The following UVRAG variants were observed in gnomAD, a reference collection of about 807,000 sequenced individuals.
UVRAG encodes UV radiation resistance-associated gene protein.
In UVRAG, 19 loss-of-function variants were observed where a neutral mutation model predicts 78.0. The ratio of observed to expected loss-of-function variants is 0.24; its 90% CI spans 0.17 to 0.36. The LOEUF (loss-of-function observed/expected upper bound fraction) is 0.36. Among genes scored for constraint, UVRAG ranks in the 10% least tolerant of loss-of-function variants. The pLI, the probability that UVRAG is intolerant of heterozygous loss-of-function variation, is 1.00. For synonymous variants in UVRAG, 323 were observed against 324.6 expected (o/e 1.00, Z 0.05); for missense variants, 740 against 853.8 (o/e 0.87, Z 1.66).
At chr11:76,043,754 A>G (rs1222868149) in intron 12 of UVRAG, among the ~76,000 whole-genome samples, 2 of 152,178 alleles carry the variant, frequency 1.3e-5, no homozygotes, top group South Asian at 2.1e-4. Flanking sequence ...ACCATGCTCA[A>G]CCCTCAAATT....
intron 14 of UVRAG, among the ~76,000 whole-genome samples, chr11:76,138,538 T>A (rs1952640281): frequency 6.6e-6 from 1 of 152,260 alleles, no homozygotes; most frequent in South Asian, 2.1e-4. Context: ...AAACACCCTG[T>A]TCCTCTTGTG....
At chr11:76,137,901 T>C (rs190217565) in intron 14 of UVRAG, among the ~76,000 whole-genome samples, 4 of 152,280 alleles carry the variant, frequency 2.6e-5, no homozygotes, top group Middle Eastern at 3.4e-3. Flanking sequence ...AGTGAGACTT[T>C]GTCTCTAAAA....
intron 5 of UVRAG, chr11:75,911,528 C>A: frequency 5.9e-6 from 1 of 169,244 alleles, no homozygotes; most frequent in South Asian, 1.7e-4. Context: ...CAAAGTGGGT[C>A]GAGGATCCGT....
chr11:75,939,670 GTGA>G (rs1384467250), intron 6 of UVRAG, among the ~76,000 whole-genome samples: 3 of 152,150 alleles, frequency 2.0e-5, no homozygotes, highest in African/African-American at 7.2e-5. Context: ...TTGCTTATCA[GTGA>G]TTAAAAGGCT....
At chr11:75,979,315 T>TG (rs929321532) in intron 7 of UVRAG, among the ~76,000 whole-genome samples, 1 of 152,310 alleles carries the variant, frequency 6.6e-6, no homozygotes, top group South Asian at 2.1e-4. Flanking sequence ...TTAGGCTACT[T>TG]GGGGGTCAGG....
At chr11:75,935,850 A>G (rs1318272203) in intron 6 of UVRAG, among the ~76,000 whole-genome samples, 2 of 152,170 alleles carry the variant, frequency 1.3e-5, no homozygotes, top group Admixed American at 6.5e-5. Context: ...TAACCTTAAC[A>G]TGTTACTGGC....
At chr11:75,951,276 C>T (rs1247909702) in intron 6 of UVRAG, among the ~76,000 whole-genome samples, 3 of 150,738 alleles carry the variant, frequency 2.0e-5, no homozygotes, top group South Asian at 2.1e-4. Context: ...TTTTTCTTTT[C>T]CTTATTAAAA....
intron 1 of UVRAG, among the ~76,000 whole-genome samples, chr11:75,816,260 A>G (rs569465924): frequency 6.6e-6 from 1 of 152,296 alleles, no homozygotes; most frequent in East Asian, 1.9e-4. Flanking sequence ...CGTTGTAGGA[A>G]GATAAGAAGG....
chr11:76,053,968 CAAAAAA>C (rs11390273), intron 12 of UVRAG, among the ~76,000 whole-genome samples: 1 of 123,636 alleles, frequency 8.1e-6, no homozygotes, highest in African/African-American at 3.1e-5. Flanking sequence ...GACTCCATCT[CAAAAAA>C]AAAAAAAAAA....
intron 4 of UVRAG, among the ~76,000 whole-genome samples, chr11:75,885,994 G>A (rs1947069222): frequency 1.3e-5 from 2 of 152,016 alleles, no homozygotes; most frequent in Admixed American, 1.3e-4. Context: ...CTGGTTTTTG[G>A]CTGATGAAGG....
intron 4 of UVRAG, among the ~76,000 whole-genome samples, chr11:75,887,142 TTTTC>T (rs1439650469): frequency 4.0e-5 from 6 of 150,114 alleles, no homozygotes; most frequent in African/African-American, 7.4e-5. Flanking sequence ...GCTAATTTCT[TTTTC>T]TTTCTTTCTT....
intron 3 of UVRAG, among the ~76,000 whole-genome samples, chr11:75,864,647 T>TA (rs1425737161): frequency 6.6e-6 from 1 of 152,276 alleles, no homozygotes; most frequent in Non-Finnish European, 1.5e-5. Flanking sequence ...TTGTTACCAT[T>TA]GTGCTTGGCA....
At chr11:76,037,576 G>C (rs1255261394) in intron 12 of UVRAG, among the ~76,000 whole-genome samples, 2 of 151,424 alleles carry the variant, frequency 1.3e-5, no homozygotes, top group Non-Finnish European at 2.9e-5. Flanking sequence ...AGCTGGGCGT[G>C]GTGGCATACC....
At position 76,037,539 on chromosome 11, in the gene UVRAG, CAAAAAAAAAAAA is replaced by C. The variant is rs61354759; in HGVS notation, c.1226+20572_1226+20583del. Among the ~76,000 whole-genome samples the C allele has an allele frequency of 3.7e-4, 18 of 48,522 alleles. No homozygotes were observed. In the East Asian group the frequency reaches 4.4e-3, roughly 12 times the overall value. The allele number at this position is 48,522 out of a possible 152,430, so 31.8% of individuals were successfully genotyped here. A position where few individuals can be genotyped will look rare whatever the true frequency, so the allele number is the denominator to read the frequency against. ...GCAACATTTCAAGACTTTGTCTTTA[CAAAAAAAAAAAA>C]AAAAAAAAAAAATCAGCTGGGCGTG... On this transcript the variant is annotated intron_variant, in intron 12 of 14. Coordinates refer to ENST00000356136, the MANE Select transcript of UVRAG (RefSeq NM_003369.4).
chr11:76,096,657 C>G (rs1178881932), intron 13 of UVRAG, among the ~76,000 whole-genome samples: 3 of 152,136 alleles, frequency 2.0e-5, no homozygotes, highest in Non-Finnish European at 2.9e-5. Context: ...ACCCGAATGC[C>G]TTTTAAGTTA....
At chr11:75,949,717 AC>A (rs1359508814) in intron 6 of UVRAG, among the ~76,000 whole-genome samples, 3 of 144,014 alleles carry the variant, frequency 2.1e-5, no homozygotes, top group African/African-American at 8.2e-5. Context: ...ATATATATAC[AC>A]ACACACACAC....
chr11:75,875,731 T>C (rs1946760280), intron 3 of UVRAG, among the ~76,000 whole-genome samples: 1 of 152,080 alleles, frequency 6.6e-6, no homozygotes, highest in East Asian at 1.9e-4. Flanking sequence ...CAGACATCTG[T>C]GTGTAGGGAT....
intron 12 of UVRAG, among the ~76,000 whole-genome samples, chr11:76,064,200 C>T (rs1014368392): frequency 1.3e-5 from 2 of 152,152 alleles, no homozygotes; most frequent in African/African-American, 4.8e-5. Context: ...TAGATTTATA[C>T]CTTGAAAATA....
chr11:75,951,372 G>T (rs972950199), intron 6 of UVRAG, among the ~76,000 whole-genome samples: 7 of 141,032 alleles, frequency 5.0e-5, no homozygotes, highest in African/African-American at 2.2e-4. Flanking sequence ...TATATTTTTT[G>T]TTTGTTTGTT....
Sources: allele counts gnomAD v4.1 joint callset (sites outside exome capture counted in the v4.1 genomes callset), GRCh38; gene constraint gnomAD v4.1.1; transcripts MANE v1.5; gene names NCBI Gene and HGNC (gene_info 2026-07-23, HGNC 2026-07-21).